The following NTM variants were observed in gnomAD, a reference collection of about 807,000 sequenced individuals.
NTM encodes neurotrimin.
NTM carries 13 observed loss-of-function variants against 42.1 expected under a neutral mutation model. The ratio of observed to expected loss-of-function variants is 0.31; its 90% CI spans 0.20 to 0.49. The LOEUF (loss-of-function observed/expected upper bound fraction) is 0.49. NTM is among the 20% of genes least tolerant of loss of function. The pLI, the probability that NTM is intolerant of heterozygous loss-of-function variation, is 0.99. For synonymous variants in NTM, 187 were observed against 179.2 expected (o/e 1.04, Z -0.35); for missense variants, 373 against 452.8 (o/e 0.82, Z 1.60).
chr11:131,845,622 A>G lies in NTM; in HGVS notation c.83-65942A>G, dbSNP rs1000882558. ...AGAGGCGAATCCATTCACATTATCT[A>G]GTATATCTAATTCATCTCTGGAACG... is the stretch of plus-strand genomic sequence containing the variant. On this transcript the variant is annotated intron_variant, in intron 1 of 8. Coordinates refer to ENST00000683400, the MANE Select transcript of NTM (RefSeq NM_001352005.2). 2.6e-5 allele frequency among the ~76,000 whole-genome samples: 4 copies of G among 151,878 alleles called. No individual in the cohort carries two copies. In the East Asian group the frequency reaches 7.7e-4, roughly 29 times the overall value.
intron 4 of NTM, among the ~76,000 whole-genome samples, chr11:132,242,625 G>A (rs937359173): frequency 2.0e-5 from 3 of 152,204 alleles, no homozygotes; most frequent in African/African-American, 4.8e-5. Context: ...CACACGGCCC[G>A]AGTAGCCACC....
At chr11:132,041,102 G>C (rs921574495) in intron 2 of NTM, among the ~76,000 whole-genome samples, 1 of 152,112 alleles carries the variant, frequency 6.6e-6, no homozygotes, top group African/African-American at 2.4e-5. Context: ...AACTGTTGCA[G>C]TTACATTTTT....
At chr11:131,885,617 A>G (rs1028713608) in intron 1 of NTM, among the ~76,000 whole-genome samples, 1 of 152,178 alleles carries the variant, frequency 6.6e-6, no homozygotes, top group African/African-American at 2.4e-5. Flanking sequence ...CCATTTTCAT[A>G]CCCACCTGTC....
intron 2 of NTM, among the ~76,000 whole-genome samples, chr11:132,140,178 C>T (rs1252928342): frequency 1.3e-5 from 2 of 152,178 alleles, no homozygotes; most frequent in South Asian, 2.1e-4. Flanking sequence ...AGGAACAGAG[C>T]TGGGACATTC....
chr11:132,235,378 C>T lies in NTM; in HGVS notation c.526+23231C>T, dbSNP rs568288983. ...TGTGAGCGTGTATGCATGTGTGTGTCCAGTCATCACGCATCTCCAGCCTCC... is the reference window on the plus strand; with the variant it reads ...TGTGAGCGTGTATGCATGTGTGTGTTCAGTCATCACGCATCTCCAGCCTCC... On this transcript the variant is annotated intron_variant, in intron 4 of 8. Transcript: ENST00000683400. 3.3e-5 allele frequency among the ~76,000 whole-genome samples: 5 copies of T among 152,018 alleles called. No individual in the cohort carries two copies. The South Asian group carries it at 8.4e-4, about 25-fold the overall frequency.
chr11:132,206,040 A>G (rs1241342225), intron 3 of NTM, among the ~76,000 whole-genome samples: 1 of 151,916 alleles, frequency 6.6e-6, no homozygotes, highest in Non-Finnish European at 1.5e-5. Flanking sequence ...CCATTTGTGC[A>G]TTTTTCCTGG....
At chr11:131,469,142 C>T (rs567505094) in intron 1 of NTM, among the ~76,000 whole-genome samples, 6 of 152,270 alleles carry the variant, frequency 3.9e-5, no homozygotes, top group East Asian at 3.9e-4. Flanking sequence ...TTTCCCCACC[C>T]ACAACCAGCG....
intron 2 of NTM, among the ~76,000 whole-genome samples, chr11:132,109,274 C>T (rs1003215725): frequency 6.6e-6 from 1 of 152,108 alleles, no homozygotes; most frequent in Non-Finnish European, 1.5e-5. Flanking sequence ...GAGGAATTGC[C>T]ACACTGTCTT....
chr11:132,253,362 C>T (rs115292787), intron 4 of NTM, among the ~76,000 whole-genome samples: 1,892 of 152,252 alleles, frequency 0.012, 36 homozygotes, highest in African/African-American at 0.043. Flanking sequence ...CCAAGGTAAG[C>T]GGCTAAGCCA....
At chr11:132,127,117 C>A (rs1369826039) in intron 2 of NTM, among the ~76,000 whole-genome samples, 14 of 152,100 alleles carry the variant, frequency 9.2e-5, no homozygotes, top group Non-Finnish European at 7.4e-5. Context: ...CCCCAAAGTC[C>A]CTGAGCCTGA....
chr11:131,425,506 C>T (rs1468052166), intron 1 of NTM, among the ~76,000 whole-genome samples: 1 of 152,178 alleles, frequency 6.6e-6, no homozygotes, highest in Non-Finnish European at 1.5e-5. Flanking sequence ...CCAAAGGCTT[C>T]CCTGAAGCCA....
chr11:131,660,728 A>G, intron 1 of NTM: 1 of 538,896 alleles, frequency 1.9e-6, no homozygotes, highest in Non-Finnish European at 2.9e-6. Flanking sequence ...GAGGCAAAGA[A>G]ACAAAAGGAA....
intron 4 of NTM, among the ~76,000 whole-genome samples, chr11:132,264,672 A>G (rs1041838991): frequency 6.6e-6 from 1 of 152,256 alleles, no homozygotes; most frequent in Non-Finnish European, 1.5e-5. Context: ...AATTAAAATA[A>G]GAAGAGTTCC....
rs572556216 is a variant in NTM, at chr11:131,641,883, C to T, written c.83-269681C>T. 2.6e-3 allele frequency among the ~76,000 whole-genome samples: 389 copies of T among 152,096 alleles called. 5 individuals are homozygous for T. The highest frequency in any genetic ancestry group is 9.0e-3 in the African/African-American group (373 of 41,470). On this transcript the variant is annotated intron_variant, in intron 1 of 8. Coordinates refer to ENST00000683400, the MANE Select transcript of NTM (RefSeq NM_001352005.2). ...CTGGGACTACGGGCACATGCCACCACGCTCAGTTAATTTTTGTATTTTTAG... is the reference window on the plus strand; with the variant it reads ...CTGGGACTACGGGCACATGCCACCATGCTCAGTTAATTTTTGTATTTTTAG...
intron 4 of NTM, among the ~76,000 whole-genome samples, chr11:132,305,597 C>T (rs2095047685): frequency 6.6e-6 from 1 of 152,160 alleles, no homozygotes; most frequent in Non-Finnish European, 1.5e-5. Context: ...AGATGCTTGG[C>T]ACAGTAATTA....
At chr11:131,805,752 G>A (rs566417105) in intron 1 of NTM, among the ~76,000 whole-genome samples, 1 of 152,258 alleles carries the variant, frequency 6.6e-6, no homozygotes, top group East Asian at 1.9e-4. Flanking sequence ...CCCGGTGGAA[G>A]AACAATATCT....
chr11:132,016,208 A>G (rs766183702), intron 2 of NTM, among the ~76,000 whole-genome samples: 2 of 151,360 alleles, frequency 1.3e-5, no homozygotes, highest in African/African-American at 2.4e-5. Context: ...GATATATTGC[A>G]TTTGTTGATA....
At chr11:131,527,896 T>C (rs2050728340) in intron 1 of NTM, among the ~76,000 whole-genome samples, 1 of 152,202 alleles carries the variant, frequency 6.6e-6, no homozygotes, top group East Asian at 1.9e-4. Flanking sequence ...GTTCAGCCCA[T>C]TGATCATGTA....
intron 2 of NTM, among the ~76,000 whole-genome samples, chr11:132,136,904 G>A (rs1424120973): frequency 6.6e-6 from 1 of 152,116 alleles, no homozygotes. Flanking sequence ...ACACATGCTG[G>A]CTTCCCCAGA....
Sources: allele counts gnomAD v4.1 joint callset (sites outside exome capture counted in the v4.1 genomes callset), GRCh38; gene constraint gnomAD v4.1.1; transcripts MANE v1.5; gene names NCBI Gene and HGNC (gene_info 2026-07-23, HGNC 2026-07-21).